The following LRGUK variants were observed in gnomAD, a reference collection of about 807,000 sequenced individuals.
The protein encoded by LRGUK is leucine-rich repeat and guanylate kinase domain-containing protein.
In LRGUK, 65 loss-of-function variants were observed where a neutral mutation model predicts 76.0. The ratio of observed to expected loss-of-function variants is 0.85; its 90% CI spans 0.70 to 1.05. LRGUK has a LOEUF of 1.05. LRGUK is among the 50% of genes least tolerant of loss of function. The pLI is 0.00. For missense variants in LRGUK, 758 were observed against 732.8 expected (o/e 1.03, Z -0.40); for synonymous variants, 268 against 265.6 (o/e 1.01, Z -0.09).
the LRGUK span, among the ~76,000 whole-genome samples, chr7:134,269,677 T>A: frequency 6.6e-6 from 1 of 152,184 alleles, no homozygotes; most frequent in African/African-American, 2.4e-5. Context: ...ATTGAAATTC[T>A]TCTGTGGCTC....
At chr7:134,252,126 C>A (rs915703670) in intron 18 of LRGUK, among the ~76,000 whole-genome samples, 4 of 151,710 alleles carry the variant, frequency 2.6e-5, no homozygotes, top group Non-Finnish European at 2.9e-5. Flanking sequence ...ATCATTTGAG[C>A]CCAGGAGTTC....
intron 18 of LRGUK, among the ~76,000 whole-genome samples, chr7:134,251,172 T>C (rs1802435403): frequency 6.6e-6 from 1 of 152,064 alleles, no homozygotes; most frequent in African/African-American, 2.4e-5. Context: ...TATTTGGAAA[T>C]AGGGTCACTG....
intron 15 of LRGUK, among the ~76,000 whole-genome samples, chr7:134,217,860 A>C (rs1801477358): frequency 6.6e-6 from 1 of 152,182 alleles, no homozygotes. Context: ...AGGTATTTAC[A>C]TCATATGTAT....
intron 16 of LRGUK, among the ~76,000 whole-genome samples, chr7:134,231,871 TCTTC>T (rs1489653394): frequency 2.1e-5 from 3 of 145,560 alleles, no homozygotes; most frequent in African/African-American, 2.5e-5. Flanking sequence ...TTCATTTTTC[TCTTC>T]CTTCCTTCCT....
At chr7:134,145,804 C>T (rs1797945175) in intron 4 of LRGUK, among the ~76,000 whole-genome samples, 1 of 152,216 alleles carries the variant, frequency 6.6e-6, no homozygotes, top group African/African-American at 2.4e-5. Context: ...GTACCACCAA[C>T]CAGAGAGAAC....
downstream of LRGUK, among the ~76,000 whole-genome samples, chr7:134,211,403 C>T (rs1801264387): frequency 6.6e-6 from 1 of 152,182 alleles, no homozygotes; most frequent in Non-Finnish European, 1.5e-5. Flanking sequence ...ATTCTCTCAC[C>T]CCTCTTGCAT....
chr7:134,148,610 GAGA>G (rs1363901653), intron 5 of LRGUK, among the ~76,000 whole-genome samples: 1 of 152,154 alleles, frequency 6.6e-6, no homozygotes, highest in African/African-American at 2.4e-5. Flanking sequence ...TCTAGAACCA[GAGA>G]AGAAGTTCTG....
intron 6 of LRGUK, among the ~76,000 whole-genome samples, chr7:134,162,458 C>T (rs898090903): frequency 1.3e-5 from 2 of 152,172 alleles, no homozygotes; most frequent in African/African-American, 2.4e-5. Flanking sequence ...CTTCTTAAGT[C>T]TTAGGCTGGG....
At chr7:134,236,996 C>A (rs1355054348) in intron 16 of LRGUK, among the ~76,000 whole-genome samples, 1 of 149,200 alleles carries the variant, frequency 6.7e-6, no homozygotes, top group Non-Finnish European at 1.5e-5. Flanking sequence ...AGAGATGCTT[C>A]TTTCATCTCT....
At chr7:134,269,432 A>G (rs999650531), downstream of LRGUK, among the ~76,000 whole-genome samples, 1 of 148,306 alleles carries the variant, frequency 6.7e-6, no homozygotes, top group South Asian at 2.1e-4. Flanking sequence ...AGCTTGCTAC[A>G]GCCTTGACCT....
At chr7:134,239,000 T>C (rs1376504176) in intron 16 of LRGUK, among the ~76,000 whole-genome samples, 1 of 152,202 alleles carries the variant, frequency 6.6e-6, no homozygotes, top group Non-Finnish European at 1.5e-5. Flanking sequence ...TCACCTTCTC[T>C]GAGTGCGGAG....
At chr7:134,158,058 G>A (rs267601299) in exon 6 of LRGUK, 1 of 1,612,440 alleles carries the variant, frequency 6.2e-7, no homozygotes, top group Non-Finnish European at 8.5e-7. Context: ...AGAAATCAGT[G>A]GACTAGAGAT....
chr7:134,194,600 G>C (rs1393298593), intron 12 of LRGUK, among the ~76,000 whole-genome samples: 2 of 152,110 alleles, frequency 1.3e-5, no homozygotes, highest in Admixed American at 6.5e-5. Context: ...AATTAGCCTG[G>C]TGTAGGGGTT....
chr7:134,227,323 C>T (rs1231873804), intron 16 of LRGUK, among the ~76,000 whole-genome samples: 1 of 152,098 alleles, frequency 6.6e-6, no homozygotes, highest in African/African-American at 2.4e-5. Context: ...AGCCTGCAAC[C>T]TTGGAGTAAA....
intron 14 of LRGUK, among the ~76,000 whole-genome samples, chr7:134,200,012 ATATATATATATATATATG>A (rs1800695562): frequency 7.7e-6 from 1 of 129,048 alleles, no homozygotes; most frequent in Admixed American, 8.1e-5. Flanking sequence ...ATATATATAT[ATATATATATATATATATG>A]TATAATTTTT....
chr7:134,201,465 ACT>A lies in LRGUK; in HGVS notation c.1748-11_1748-10del. The stretch of plus-strand genomic sequence containing the variant: ...ATGTGATCCTGTTGCTTTAAAATGT[ACT>A]CTCTTTGCTGCAGATGATCTGGATG... On this transcript the variant is annotated splice_polypyrimidine_tract_variant and intron_variant, in intron 14 of 15. Coordinates refer to ENST00000645682, the Ensembl canonical transcript of LRGUK. The A allele has an allele frequency of 3.1e-6, 5 of 1,599,514 alleles. 1 individual carries two copies. The South Asian group carries it at 3.3e-5, about 11-fold the overall frequency.
intron 12 of LRGUK, among the ~76,000 whole-genome samples, chr7:134,192,646 G>T (rs1483139513): frequency 6.6e-6 from 1 of 152,156 alleles, no homozygotes; most frequent in Non-Finnish European, 1.5e-5. Flanking sequence ...GTATGCTAAT[G>T]TAAATATGTA....
chr7:134,134,686 G>A (rs1008087797), intron 1 of LRGUK, among the ~76,000 whole-genome samples: 2 of 152,230 alleles, frequency 1.3e-5, no homozygotes, highest in Non-Finnish European at 2.9e-5. Context: ...ACTTTAAAGG[G>A]CTAGGTGGAA....
intron 16 of LRGUK, among the ~76,000 whole-genome samples, chr7:134,244,858 A>G (rs1414869777): frequency 1.3e-5 from 2 of 152,176 alleles, no homozygotes; most frequent in Admixed American, 1.3e-4. Flanking sequence ...ATACACCACG[A>G]ATACTACGCA....
Sources: gnomAD v4.1 joint callset for allele counts (sites outside exome capture counted in the v4.1 genomes callset) on GRCh38, gnomAD v4.1.1 for gene constraint, MANE v1.5 for transcripts, NCBI Gene and HGNC (gene_info 2026-07-23, HGNC 2026-07-21) for gene names.